Variants in BRINP2 observed in about 807,000 individuals in gnomAD.
BRINP2 encodes the protein BMP/retinoic acid-inducible neural-specific protein 2.
BRINP2 carries 21 observed loss-of-function variants against 69.2 expected under a neutral mutation model. The ratio of observed to expected loss-of-function variants is 0.30; its 90% CI spans 0.22 to 0.44. The LOEUF (loss-of-function observed/expected upper bound fraction) is 0.44, where lower values mean the gene tolerates loss of function less well. Among genes scored for constraint, BRINP2 ranks in the 20% least tolerant of loss-of-function variants. BRINP2 has a pLI of 1.00. For synonymous variants in BRINP2, 380 were observed against 394.1 expected (o/e 0.96, Z 0.42); for missense variants, 877 against 986.0 (o/e 0.89, Z 1.48).
At chr1:177,215,192 ATTG>A (rs1649339851) in intron 1 of BRINP2, among the ~76,000 whole-genome samples, 1 of 152,130 alleles carries the variant, frequency 6.6e-6, no homozygotes, top group African/African-American at 2.4e-5. Context: ...CACTTAGCAT[ATTG>A]TTCTTCAATT....
intron 1 of BRINP2, among the ~76,000 whole-genome samples, chr1:177,191,208 G>C (rs1203335097): frequency 3.3e-5 from 5 of 152,210 alleles, no homozygotes; most frequent in Non-Finnish European, 5.9e-5. Context: ...TTTGCACATA[G>C]AGCATTTCTG....
intron 1 of BRINP2, among the ~76,000 whole-genome samples, chr1:177,179,665 C>T (rs993912659): frequency 5.9e-5 from 9 of 152,152 alleles, no homozygotes; most frequent in Admixed American, 5.2e-4. Flanking sequence ...CTGTGAACAA[C>T]GTGTCACTCA....
intron 1 of BRINP2, among the ~76,000 whole-genome samples, chr1:177,194,587 C>T (rs1648685496): frequency 6.6e-6 from 1 of 152,306 alleles, no homozygotes; most frequent in Non-Finnish European, 1.5e-5. Context: ...TGTGTCTAAC[C>T]ATTTAGTGTA....
chr1:177,265,304 C>G (rs1180094333), intron 4 of BRINP2, among the ~76,000 whole-genome samples: 2 of 152,166 alleles, frequency 1.3e-5, no homozygotes, highest in East Asian at 3.9e-4. Flanking sequence ...CAAAAATTAA[C>G]TCAAGATGGA....
At chr1:177,181,178 TAGAA>T (rs1648234913) in intron 1 of BRINP2, among the ~76,000 whole-genome samples, 1 of 152,238 alleles carries the variant, frequency 6.6e-6, no homozygotes, top group South Asian at 2.1e-4. Flanking sequence ...CAGGATGAAT[TAGAA>T]AGCCAGAATT....
chr1:177,215,987 T>C (rs1649364505), intron 1 of BRINP2, among the ~76,000 whole-genome samples: 1 of 152,114 alleles, frequency 6.6e-6, no homozygotes, highest in African/African-American at 2.4e-5. Flanking sequence ...ATTCTTTCAT[T>C]TTTAGTATGT....
At chr1:177,258,030 G>T (rs1007140939) in intron 4 of BRINP2, among the ~76,000 whole-genome samples, 2 of 152,184 alleles carry the variant, frequency 1.3e-5, no homozygotes, top group Non-Finnish European at 2.9e-5. Flanking sequence ...CCATGAGAAG[G>T]AATTTTAATA....
intron 4 of BRINP2, 42 bp from the exon 5 acceptor site, chr1:177,273,446 C>T: frequency 7.3e-7 from 1 of 1,367,008 alleles, no homozygotes; most frequent in Non-Finnish European, 1.0e-6. Flanking sequence ...AGGGAGTCTC[C>T]ACTTGTTATC....
chr1:177,265,063 G>A (rs1440996450), intron 4 of BRINP2, among the ~76,000 whole-genome samples: 2 of 152,086 alleles, frequency 1.3e-5, no homozygotes, highest in Admixed American at 6.5e-5. Context: ...TATACTACAA[G>A]GCTACAGTAA....
At chr1:177,206,295 G>A (rs1649069030) in intron 1 of BRINP2, among the ~76,000 whole-genome samples, 1 of 152,216 alleles carries the variant, frequency 6.6e-6, no homozygotes, top group South Asian at 2.1e-4. Flanking sequence ...GAGATTAGGT[G>A]AGATAGTAAA....
At chr1:177,257,491 A>G in intron 4 of BRINP2, 107 bp downstream of exon 4, 3 of 1,079,574 alleles carry the variant, frequency 2.8e-6, no homozygotes, top group Non-Finnish European at 3.9e-6. Context: ...CTGATGGAAG[A>G]GGAAAAGAAG....
chr1:177,256,583 A>G, intron 3 of BRINP2: 1 of 985,400 alleles, frequency 1.0e-6, no homozygotes, highest in African/African-American at 1.7e-5. Context: ...TGTGGGGCGG[A>G]GAGTGGGGGT....
chr1:177,228,903 C>T (rs1462868664), intron 1 of BRINP2, among the ~76,000 whole-genome samples: 1 of 152,192 alleles, frequency 6.6e-6, no homozygotes, highest in African/African-American at 2.4e-5. Flanking sequence ...ACTTTCTTGG[C>T]ATCTTCCGTC....
chr1:177,176,552 ATTT>A (rs1265160816), intron 1 of BRINP2, among the ~76,000 whole-genome samples: 20 of 131,116 alleles, frequency 1.5e-4, no homozygotes, highest in East Asian at 4.2e-4. Flanking sequence ...TATTATTATT[ATTT>A]TTGGATAGTG....
intron 2 of BRINP2, among the ~76,000 whole-genome samples, chr1:177,232,799 AGAGAAT>A (rs1310994276): frequency 6.6e-6 from 1 of 151,972 alleles, no homozygotes; most frequent in Non-Finnish European, 1.5e-5. Flanking sequence ...AAAAAACAAC[AGAGAAT>A]ATCAGAAATG....
At chr1:177,201,288 T>C (rs1648902736) in intron 1 of BRINP2, among the ~76,000 whole-genome samples, 1 of 152,210 alleles carries the variant, frequency 6.6e-6, no homozygotes, top group Admixed American at 6.5e-5. Flanking sequence ...ATGCCTTTAG[T>C]TTAATTTCTT....
chr1:177,233,892 C>T (rs1649937250), intron 2 of BRINP2, among the ~76,000 whole-genome samples: 1 of 152,142 alleles, frequency 6.6e-6, no homozygotes, highest in Non-Finnish European at 1.5e-5. Flanking sequence ...TAGGATACAC[C>T]ATGAAGAGAA....
chr1:177,204,142 A>T (rs1649000660), intron 1 of BRINP2, among the ~76,000 whole-genome samples: 1 of 152,184 alleles, frequency 6.6e-6, no homozygotes. Context: ...TAAGAACCAC[A>T]AGAATAGATG....
intron 1 of BRINP2, among the ~76,000 whole-genome samples, chr1:177,211,497 AC>A (rs1649221536): frequency 6.6e-6 from 1 of 152,058 alleles, no homozygotes; most frequent in Admixed American, 6.5e-5. Flanking sequence ...CCTCCGTCCT[AC>A]TTTGACCTTC....
Sources: allele counts gnomAD v4.1 joint callset (sites outside exome capture counted in the v4.1 genomes callset), GRCh38; gene constraint gnomAD v4.1.1; transcripts MANE v1.5; gene names NCBI Gene and HGNC (gene_info 2026-07-23, HGNC 2026-07-21).